CNTN5: variants seen among roughly 807,000 people sequenced by gnomAD.
The protein encoded by CNTN5 is contactin 5, also known as contactin-5.
In CNTN5, 77 loss-of-function variants were observed where a neutral mutation model predicts 129.1. The observed-to-expected ratio is 0.60, with a 90% CI of 0.50 to 0.72. The LOEUF (loss-of-function observed/expected upper bound fraction) is 0.72, where lower values mean the gene tolerates loss of function less well. CNTN5 is among the 30% of genes least tolerant of loss of function. The probability of loss-of-function intolerance (pLI) is 0.00; values close to 1 mark genes in which losing one functional copy is unlikely to be tolerated. For synonymous variants in CNTN5, 509 were observed against 465.6 expected, an observed-to-expected ratio of 1.09 and a Z score of -1.20; for missense variants, 1,478 against 1,328.8, an observed-to-expected ratio of 1.11 and a Z score of -1.75.
At chr11:99,882,668 G>A (rs1000288013) in intron 6 of CNTN5, among the ~76,000 whole-genome samples, 2 of 151,814 alleles carry the variant, frequency 1.3e-5, no homozygotes, top group Non-Finnish European at 2.9e-5. Context: ...TATAAAATGA[G>A]GTTATCCATC....
At chr11:99,620,135 A>C (rs1350846804) in intron 3 of CNTN5, among the ~76,000 whole-genome samples, 1 of 152,076 alleles carries the variant, frequency 6.6e-6, no homozygotes, top group Non-Finnish European at 1.5e-5. Flanking sequence ...TAAGTGCTTA[A>C]AGTAAATCTG....
intron 1 of CNTN5, among the ~76,000 whole-genome samples, chr11:99,278,553 GGAT>G (rs1565457806): frequency 6.6e-6 from 1 of 151,618 alleles, no homozygotes; most frequent in Non-Finnish European, 1.5e-5. Flanking sequence ...GTGATTATGA[GGAT>G]GATGATAAGG....
At chr11:99,983,800 G>A (rs909885480) in intron 8 of CNTN5, among the ~76,000 whole-genome samples, 2 of 152,238 alleles carry the variant, frequency 1.3e-5, no homozygotes, top group African/African-American at 4.8e-5. Context: ...ATATTGGCCT[G>A]GGGGTTCAAA....
rs142262141 is a variant in CNTN5 at position 100,116,628 on chromosome 11, A to C, written c.1580+42334A>C. ...ATAAAAAATAGCTTCTGAGAGACAA[A>C]TAGAAATATAATTGCCTATTACAAT... On this transcript the variant is annotated intron_variant, in intron 13 of 24. Coordinates refer to ENST00000524871, the MANE Select transcript of CNTN5 (RefSeq NM_014361.4). 5.4e-3 allele frequency among the ~76,000 whole-genome samples: 826 copies of C among 152,086 alleles called. 6 individuals are homozygous for C. The highest frequency in any genetic ancestry group is 0.019 in the African/African-American group (779 of 41,522).
At chr11:99,958,701 GAATT>G (rs935197482) in intron 8 of CNTN5, among the ~76,000 whole-genome samples, 6 of 152,142 alleles carry the variant, frequency 3.9e-5, no homozygotes, top group African/African-American at 1.4e-4. Context: ...TAAAAGCTTT[GAATT>G]AATTCTCTAT....
chr11:99,732,209 A>G (rs929546405), intron 3 of CNTN5, among the ~76,000 whole-genome samples: 5 of 151,028 alleles, frequency 3.3e-5, no homozygotes, highest in Non-Finnish European at 5.9e-5. Flanking sequence ...GAGATAGTGA[A>G]TAATGAAAAA....
intron 2 of CNTN5, among the ~76,000 whole-genome samples, chr11:99,530,750 T>C (rs1252545418): frequency 1.3e-5 from 2 of 152,316 alleles, no homozygotes; most frequent in South Asian, 4.1e-4. Context: ...TGAGATCTGA[T>C]AGGTTTATCA....
chr11:99,315,838 TC>T (rs1865316856), intron 1 of CNTN5, among the ~76,000 whole-genome samples: 1 of 148,974 alleles, frequency 6.7e-6, no homozygotes, highest in Admixed American at 6.7e-5. Flanking sequence ...ATAGAGTATT[TC>T]TTTTAATTAG....
At position 100,193,590 on chromosome 11, in the gene CNTN5, C is replaced by A. The variant is rs766349618; in HGVS notation, c.1811C>A (p.Thr604Asn). The A allele has an allele frequency of 9.9e-6, 16 of 1,612,124 alleles. No individual in the cohort carries two copies. In the East Asian group the frequency reaches 3.4e-4, roughly 34 times the overall value. Residue 604 changes from threonine to asparagine, a missense_variant, in exon 15 of 25, where the codon ACT (threonine) becomes AAT (asparagine). Transcript: ENST00000524871. ...KAIHDASLDV[T>N]FYWTLKGQPI... ...ATTCACGATGCTAGTTTGGATGTCA[C>A]TTTCTACTGGACTCTGAAAGGACAG... is the stretch of plus-strand genomic sequence containing the variant.
chr11:99,278,285 C>A (rs1047703873), intron 1 of CNTN5, among the ~76,000 whole-genome samples: 2 of 151,430 alleles, frequency 1.3e-5, no homozygotes, highest in Non-Finnish European at 3.0e-5. Context: ...TCACAAGAAC[C>A]CTGTGAATAA....
At chr11:99,476,267 T>C (rs944653351) in intron 2 of CNTN5, among the ~76,000 whole-genome samples, 1 of 152,138 alleles carries the variant, frequency 6.6e-6, no homozygotes, top group African/African-American at 2.4e-5. Context: ...ATCAATCTAT[T>C]AATATTTATC....
chr11:99,301,609 T>A (rs984293757), intron 1 of CNTN5, among the ~76,000 whole-genome samples: 3 of 151,714 alleles, frequency 2.0e-5, no homozygotes, highest in African/African-American at 7.3e-5. Flanking sequence ...ACTGGAAGAA[T>A]TGAAAGAAAA....
At chr11:99,768,571 A>G (rs1174622362) in intron 3 of CNTN5, among the ~76,000 whole-genome samples, 7 of 151,994 alleles carry the variant, frequency 4.6e-5, no homozygotes, top group Non-Finnish European at 1.0e-4. Context: ...TGACATTTCC[A>G]TTTTCACAAA....
At chr11:99,618,831 C>T (rs1950840238) in intron 3 of CNTN5, among the ~76,000 whole-genome samples, 1 of 151,684 alleles carries the variant, frequency 6.6e-6, no homozygotes, top group African/African-American at 2.4e-5. Context: ...TCTCATTTAC[C>T]CCATAAATAA....
chr11:99,942,710 G>A (rs1840192), intron 7 of CNTN5, among the ~76,000 whole-genome samples: 63,952 of 151,528 alleles, frequency 0.42, 13,771 homozygotes, highest in South Asian at 0.51. Context: ...CCGGTGTATG[G>A]TGTCCCCCTC....
intron 3 of CNTN5, among the ~76,000 whole-genome samples, chr11:99,738,775 T>A (rs1943795455): frequency 6.6e-6 from 1 of 152,102 alleles, no homozygotes; most frequent in Non-Finnish European, 1.5e-5. Flanking sequence ...GAACTCGTAC[T>A]CTATCCCATA....
intron 1 of CNTN5, among the ~76,000 whole-genome samples, chr11:99,230,661 G>T (rs886912362): frequency 9.2e-5 from 14 of 151,994 alleles, no homozygotes; most frequent in African/African-American, 3.4e-4. Context: ...AATCTTATAC[G>T]ATTTTATTTT....
chr11:99,620,026 A>AAAAAAAAAAAAAAAAACCAAAAAG (rs147088869), intron 3 of CNTN5, among the ~76,000 whole-genome samples: 13 of 105,656 alleles, frequency 1.2e-4, no homozygotes, highest in African/African-American at 3.0e-4. Flanking sequence ...ACTCCGTCTC[A>AAAAAAAAAAAAAAAAACCAAAAAG]AAAAAAAAAA....
intron 2 of CNTN5, among the ~76,000 whole-genome samples, chr11:99,366,066 T>C (rs1939426222): frequency 6.6e-6 from 1 of 152,192 alleles, no homozygotes; most frequent in Non-Finnish European, 1.5e-5. Context: ...TCCATCCTCA[T>C]CACTAACAGA....
Sources: gnomAD v4.1 joint callset for allele counts (sites outside exome capture counted in the v4.1 genomes callset) on GRCh38, gnomAD v4.1.1 for gene constraint, MANE v1.5 for transcripts, NCBI Gene and HGNC (gene_info 2026-07-23, HGNC 2026-07-21) for gene names.